ARHGEF28: variants seen among roughly 807,000 people sequenced by gnomAD.
The protein encoded by ARHGEF28 is 190 kDa guanine nucleotide exchange factor.
Under a neutral mutation model 206.6 loss-of-function variants are expected in ARHGEF28, and 152 were observed. The ratio of observed to expected loss-of-function variants is 0.74; its 90% CI spans 0.64 to 0.84. The LOEUF is 0.84. ARHGEF28 is among the 40% of genes least tolerant of loss of function. ARHGEF28 has a pLI of 0.00. For synonymous variants in ARHGEF28, 763 were observed against 776.4 expected (o/e 0.98, Z 0.29); for missense variants, 2,028 against 2,073.2 (o/e 0.98, Z 0.42).
chr5:73,669,288 A>G (rs1487726708), intron 1 of ARHGEF28, among the ~76,000 whole-genome samples: 2 of 152,218 alleles, frequency 1.3e-5, no homozygotes, highest in Non-Finnish European at 2.9e-5. Context: ...AAAAAAGAAA[A>G]CACCACCTAT....
intron 35 of ARHGEF28, among the ~76,000 whole-genome samples, chr5:73,914,683 C>A (rs892085654): frequency 6.6e-6 from 1 of 152,112 alleles, no homozygotes; most frequent in African/African-American, 2.4e-5. Flanking sequence ...AGGCTTAAGG[C>A]ACCACACCCG....
chr5:73,913,801 G>T (rs1366812783), intron 35 of ARHGEF28, among the ~76,000 whole-genome samples: 1 of 152,166 alleles, frequency 6.6e-6, no homozygotes, highest in Non-Finnish European at 1.5e-5. Flanking sequence ...AATGTTGTGG[G>T]CTGGTATTTT....
chr5:73,735,045 C>T (rs917040870), intron 2 of ARHGEF28, among the ~76,000 whole-genome samples: 1 of 152,032 alleles, frequency 6.6e-6, no homozygotes, highest in African/African-American at 2.4e-5. Flanking sequence ...CGCTGCCGAC[C>T]TCACTGTGCT....
chr5:73,895,821 GA>G (rs1761931863), intron 29 of ARHGEF28, among the ~76,000 whole-genome samples: 1 of 152,188 alleles, frequency 6.6e-6, no homozygotes, highest in South Asian at 2.1e-4. Context: ...GCTCTTTGCA[GA>G]AAATGTTTGC....
intron 21 of ARHGEF28, among the ~76,000 whole-genome samples, chr5:73,870,522 C>A (rs1044899143): frequency 6.6e-6 from 1 of 152,176 alleles, no homozygotes; most frequent in Non-Finnish European, 1.5e-5. Context: ...TTCCCATATT[C>A]CTTTCAAGTT....
rs958851325 is a variant in ARHGEF28, at chr5:73,737,314, C to T, written c.34-12523C>T. 9.2e-5 allele frequency among the ~76,000 whole-genome samples: 14 copies of T among 151,922 alleles called. No individual in the cohort carries two copies. The East Asian group carries it at 1.2e-3, about 13-fold the overall frequency. On this transcript the variant is annotated intron_variant, in intron 2 of 35. Coordinates refer to ENST00000513042, the MANE Select transcript of ARHGEF28 (RefSeq NM_001177693.2). ...ATCTATTTATTTTCCATCTTTCTCA[C>T]GCTTTTCCTATTTCAACTAAGCTCC...
chr5:73,749,037 G>A (rs1356125043), intron 2 of ARHGEF28, among the ~76,000 whole-genome samples: 6 of 152,108 alleles, frequency 3.9e-5, no homozygotes, highest in African/African-American at 1.2e-4. Context: ...AGGATGCCTC[G>A]GTGACCTGAG....
At chr5:73,792,328 T>A (rs1754528764) in intron 7 of ARHGEF28, among the ~76,000 whole-genome samples, 1 of 152,158 alleles carries the variant, frequency 6.6e-6, no homozygotes, top group Non-Finnish European at 1.5e-5. Context: ...TTCACTGGCC[T>A]TTTGAGAAGG....
In ARHGEF28 at chr5:73,857,663, G is replaced by A. The variant is rs1391252105; in HGVS notation, c.1798G>A (p.Glu600Lys). Residue 600 changes from glutamate to lysine, a missense_variant, in exon 15 of 36, where the codon GAA (glutamate) becomes AAA (lysine). Transcript: ENST00000513042. The part of the protein sequence containing the change: ...SEPPRENRIQ[E>K]EEWDKYIIPA... ...CAGATTCTGTTTTTGTAGAATTCAG[G>A]AAGAAGAATGGGATAAATACATCAT... The A allele has an allele frequency of 6.4e-7, 1 of 1,573,730 alleles. No homozygotes were observed. Among genetic ancestry groups the A allele is most frequent in the African/African-American group, 1.4e-5 (1 of 73,782 alleles).
intron 3 of ARHGEF28, among the ~76,000 whole-genome samples, chr5:73,750,770 G>A (rs765592444): frequency 6.6e-6 from 1 of 152,050 alleles, no homozygotes; most frequent in Non-Finnish European, 1.5e-5. Flanking sequence ...CTTTTTTATT[G>A]ATTGGTTGGT....
At chr5:73,850,101 T>TTTTTTTTTTTTTTTTTTTGAGACGG (rs1194360823) in intron 13 of ARHGEF28, among the ~76,000 whole-genome samples, 1 of 151,398 alleles carries the variant, frequency 6.6e-6, no homozygotes, top group African/African-American at 2.4e-5. Flanking sequence ...TTTGCATTTT[T>TTTTTTTTTTTTTTTTTTTGAGACGG]ATGCCATGCA....
chr5:73,811,980 C>CAAA (rs11337063), intron 9 of ARHGEF28, among the ~76,000 whole-genome samples: 1 of 114,514 alleles, frequency 8.7e-6, no homozygotes, highest in African/African-American at 3.2e-5. Context: ...GAGCCTGTCT[C>CAAA]AAAAAAAAAA....
intron 9 of ARHGEF28, among the ~76,000 whole-genome samples, chr5:73,802,874 G>C (rs866666859): frequency 0.24 from 28,109 of 115,826 alleles, 3,289 homozygotes; most frequent in Admixed American, 0.28. Flanking sequence ...CGATTGCTGT[G>C]TGTGTGTGTG....
At chr5:73,806,743 C>T (rs558208973) in intron 9 of ARHGEF28, among the ~76,000 whole-genome samples, 5 of 129,798 alleles carry the variant, frequency 3.9e-5, no homozygotes, top group African/African-American at 1.4e-4. Flanking sequence ...TCTATATGTA[C>T]CATATATACG....
intron 9 of ARHGEF28, among the ~76,000 whole-genome samples, chr5:73,800,063 T>C (rs918736987): frequency 5.9e-5 from 9 of 152,016 alleles, no homozygotes; most frequent in Admixed American, 5.2e-4. Flanking sequence ...AATAGAAAAA[T>C]TGGGAATTTT....
intron 1 of ARHGEF28, among the ~76,000 whole-genome samples, chr5:73,679,255 G>A (rs999881414): frequency 6.6e-6 from 1 of 152,182 alleles, no homozygotes; most frequent in Admixed American, 6.5e-5. Context: ...ATGGAAACAT[G>A]GACAGATACT....
At chr5:73,641,694 G>A (rs191143804) in intron 1 of ARHGEF28, among the ~76,000 whole-genome samples, 5 of 152,268 alleles carry the variant, frequency 3.3e-5, no homozygotes, top group East Asian at 3.9e-4. Flanking sequence ...ACATATTTGC[G>A]CAGTTGTATA....
intron 23 of ARHGEF28, 58 bp downstream of exon 23, chr5:73,882,652 G>A: frequency 7.3e-7 from 1 of 1,367,550 alleles, no homozygotes; most frequent in Non-Finnish European, 9.7e-7. Flanking sequence ...AATAGTTTAT[G>A]CTTGTTTCTT....
At chr5:73,921,960 G>T (rs888109918) in intron 35 of ARHGEF28, among the ~76,000 whole-genome samples, 1 of 152,118 alleles carries the variant, frequency 6.6e-6, no homozygotes, top group Non-Finnish European at 1.5e-5. Context: ...TGCAATAAGG[G>T]CATTGCACTC....
Sources: allele counts gnomAD v4.1 joint callset (sites outside exome capture counted in the v4.1 genomes callset), GRCh38; gene constraint gnomAD v4.1.1; transcripts MANE v1.5; gene names NCBI Gene and HGNC (gene_info 2026-07-23, HGNC 2026-07-21).